KIF3B: variants seen among roughly 807,000 people sequenced by gnomAD.
KIF3B encodes kinesin family member 3B.
KIF3B carries 38 observed loss-of-function variants against 74.3 expected under a neutral mutation model. The observed-to-expected ratio is 0.51, with a 90% CI of 0.39 to 0.67. The LOEUF (loss-of-function observed/expected upper bound fraction) is 0.67, where lower values mean the gene tolerates loss of function less well. Ranked by LOEUF, KIF3B falls within the 30% of genes least tolerant of loss-of-function variation. The pLI is 0.00. For synonymous variants in KIF3B, 326 were observed against 342.5 expected (o/e 0.95, Z 0.53); for missense variants, 649 against 932.0 (o/e 0.70, Z 3.95).
At chr20:32,320,998 A>G (rs922816591) in intron 5 of KIF3B, among the ~76,000 whole-genome samples, 7 of 152,182 alleles carry the variant, frequency 4.6e-5, no homozygotes, top group Admixed American at 2.6e-4. Context: ...ATTTAGGTCT[A>G]TGATCCATTT....
chr20:32,323,137 CATATATTTATATAT>C (rs2047883437), intron 5 of KIF3B, among the ~76,000 whole-genome samples: 1 of 23,862 alleles, frequency 4.2e-5, no homozygotes, highest in Non-Finnish European at 7.6e-5. Flanking sequence ...TATATATTTA[CATATATTTATATAT>C]TTATATTTAT....
At chr20:32,295,837 TA>T (rs1330596519) in intron 1 of KIF3B, among the ~76,000 whole-genome samples, 1 of 149,202 alleles carries the variant, frequency 6.7e-6, no homozygotes, top group Non-Finnish European at 1.5e-5. Flanking sequence ...ATTTATCAAT[TA>T]AAACATTTTT....
chr20:32,300,894 G>A (rs1456716079), intron 1 of KIF3B, among the ~76,000 whole-genome samples: 3 of 151,610 alleles, frequency 2.0e-5, no homozygotes. Flanking sequence ...TGGAAACAGG[G>A]CAAGACCTAG....
intron 1 of KIF3B, among the ~76,000 whole-genome samples, chr20:32,304,095 C>G (rs1464866808): frequency 6.6e-6 from 1 of 152,124 alleles, no homozygotes; most frequent in Non-Finnish European, 1.5e-5. Flanking sequence ...TTCAGATTTA[C>G]AGAAAACGGG....
At position 32,293,553 on chromosome 20, in the gene KIF3B, C is replaced by T. The variant is rs1038234425; in HGVS notation, c.-66+15788C>T. On this transcript the variant is annotated intron_variant, in intron 1 of 8. Transcript: ENST00000375712. ...TGAGCCCAGGAGGTTGAGGCTATGG[C>T]GAGCCAACATCATGCCACTGCACTC... Among the ~76,000 whole-genome samples the T allele has an allele frequency of 2.0e-5, 3 of 150,514 alleles. 1 individual carries two copies. Among genetic ancestry groups the T allele is most frequent in the South Asian group, 4.2e-4 (2 of 4,726 alleles).
chr20:32,305,790 G>C (rs909966990), intron 1 of KIF3B, among the ~76,000 whole-genome samples: 31 of 151,044 alleles, frequency 2.1e-4, no homozygotes, highest in Non-Finnish European at 4.3e-4. Flanking sequence ...CACCATGTTG[G>C]CCAGGCTGGT....
At chr20:32,328,295 G>T (rs1303799381) in intron 7 of KIF3B, among the ~76,000 whole-genome samples, 1 of 151,896 alleles carries the variant, frequency 6.6e-6, no homozygotes, top group African/African-American at 2.4e-5. Flanking sequence ...ATGGTGGCAG[G>T]CACCTGTAAT....
chr20:32,291,936 A>G (rs1218911939), intron 1 of KIF3B, among the ~76,000 whole-genome samples: 1 of 146,256 alleles, frequency 6.8e-6, no homozygotes, highest in Non-Finnish European at 1.5e-5. Flanking sequence ...TTTTCTTGAG[A>G]CAGGGTCTCA....
At chr20:32,326,709 A>C (rs1477360416) in intron 5 of KIF3B, 62 bp from the exon 6 acceptor site, 1 of 726,692 alleles carries the variant, frequency 1.4e-6, no homozygotes, top group East Asian at 2.5e-5. Flanking sequence ...GCATGAGACC[A>C]GATAGCTGAC....
intron 2 of KIF3B, among the ~76,000 whole-genome samples, chr20:32,314,071 A>G (rs2047815024): frequency 6.6e-6 from 1 of 152,086 alleles, no homozygotes; most frequent in African/African-American, 2.4e-5. Flanking sequence ...TCTGTTATTC[A>G]AGGCCAGGAG....
chr20:32,326,659 G>A, intron 5 of KIF3B, 112 bp from the exon 6 acceptor site: 1 of 635,654 alleles, frequency 1.6e-6, no homozygotes, highest in Non-Finnish European at 2.8e-6. Flanking sequence ...CTGAGTAAAT[G>A]TTTGCTATGT....
intron 1 of KIF3B, among the ~76,000 whole-genome samples, chr20:32,304,621 T>C (rs2047760382): frequency 6.6e-6 from 1 of 152,194 alleles, no homozygotes; most frequent in South Asian, 2.1e-4. Flanking sequence ...AGCAGCTCTG[T>C]ATTTACCGAA....
chr20:32,302,541 C>T (rs992484924), intron 1 of KIF3B, among the ~76,000 whole-genome samples: 2 of 152,070 alleles, frequency 1.3e-5, no homozygotes, highest in East Asian at 3.8e-4. Context: ...GCTTGGAGCC[C>T]CATTGTTTTG....
chr20:32,324,290 GC>G (rs547071095), intron 5 of KIF3B, among the ~76,000 whole-genome samples: 121 of 152,186 alleles, frequency 8.0e-4, no homozygotes, highest in Admixed American at 1.4e-3. Flanking sequence ...TGATGTCTGA[GC>G]CCCACCTCAG....
intron 5 of KIF3B, 40 bp downstream of exon 5, chr20:32,316,914 C>A: frequency 7.2e-7 from 1 of 1,383,144 alleles, no homozygotes; most frequent in Non-Finnish European, 1.0e-6. Flanking sequence ...AAGCCACTTG[C>A]TGAGTCATTG....
At chr20:32,329,686 T>C (rs2047921002) in intron 7 of KIF3B, among the ~76,000 whole-genome samples, 1 of 152,230 alleles carries the variant, frequency 6.6e-6, no homozygotes, top group South Asian at 2.1e-4. Flanking sequence ...ATATATGATA[T>C]AAAATTTGAT....
intron 1 of KIF3B, among the ~76,000 whole-genome samples, chr20:32,288,075 G>A (rs1184775147): frequency 6.6e-6 from 1 of 151,614 alleles, no homozygotes; most frequent in Non-Finnish European, 1.5e-5. Flanking sequence ...TAGAGATAGG[G>A]TTTCACCATG....
chr20:32,302,590 T>C (rs1311381947), intron 1 of KIF3B, among the ~76,000 whole-genome samples: 1 of 152,172 alleles, frequency 6.6e-6, no homozygotes, highest in Non-Finnish European at 1.5e-5. Context: ...CTCAGAAGTC[T>C]GTAATGCAGA....
intron 5 of KIF3B, 55 bp downstream of exon 5, chr20:32,316,929 C>G (rs956533968): frequency 7.7e-7 from 1 of 1,304,930 alleles, no homozygotes; most frequent in East Asian, 2.3e-5. Flanking sequence ...TCATTGATCT[C>G]GTTTGTTTAG....
Sources: gnomAD v4.1 joint callset for allele counts (sites outside exome capture counted in the v4.1 genomes callset) on GRCh38, gnomAD v4.1.1 for gene constraint, MANE v1.5 for transcripts, NCBI Gene and HGNC (gene_info 2026-07-23, HGNC 2026-07-21) for gene names.